The following DSCAM variants were observed in gnomAD, a reference collection of about 807,000 sequenced individuals.
DSCAM encodes the protein DS cell adhesion molecule.
DSCAM carries 47 observed loss-of-function variants against 217.7 expected under a neutral mutation model. That is an observed-to-expected ratio of 0.22 (90% confidence interval 0.17 to 0.28). DSCAM has a LOEUF of 0.28. Ranked by LOEUF, DSCAM falls within the 10% of genes least tolerant of loss-of-function variation. The pLI, the probability that DSCAM is intolerant of heterozygous loss-of-function variation, is 1.00. For missense variants in DSCAM, 2,080 were observed against 2,618.3 expected (o/e 0.79, Z 4.49); for synonymous variants, 1,056 against 1,015.3 (o/e 1.04, Z -0.76).
chr21:40,312,469 A>G (rs2123493071), intron 8 of DSCAM, 110 bp from the exon 9 acceptor site: 1 of 1,227,850 alleles, frequency 8.1e-7, no homozygotes. Context: ...TAGATACAGC[A>G]TAGAAATACA....
chr21:40,683,491 G>A (rs143080868), intron 3 of DSCAM, among the ~76,000 whole-genome samples: 6 of 152,294 alleles, frequency 3.9e-5, no homozygotes, highest in African/African-American at 1.4e-4. Context: ...AAGAAGTATG[G>A]AAGTTAGCAA....
chr21:40,103,258 A>G (rs577571503), intron 20 of DSCAM, among the ~76,000 whole-genome samples: 44 of 151,524 alleles, frequency 2.9e-4, no homozygotes, highest in African/African-American at 1.1e-3. Flanking sequence ...AAGCTCTGAT[A>G]GCTAATTGTT....
intron 3 of DSCAM, among the ~76,000 whole-genome samples, chr21:40,525,908 G>A (rs2076396640): frequency 6.6e-6 from 1 of 152,032 alleles, no homozygotes; most frequent in Non-Finnish European, 1.5e-5. Flanking sequence ...CCATAGATAA[G>A]GTGGGCTCCT....
intron 3 of DSCAM, among the ~76,000 whole-genome samples, chr21:40,509,781 C>A (rs904695871): frequency 6.6e-6 from 1 of 152,190 alleles, no homozygotes. Context: ...TGAAACCAAA[C>A]AAAACTAGAA....
At chr21:40,262,542 G>A (rs1021302456) in intron 11 of DSCAM, among the ~76,000 whole-genome samples, 62 of 152,262 alleles carry the variant, frequency 4.1e-4, no homozygotes, top group African/African-American at 1.5e-3. Flanking sequence ...CCCACTTTCT[G>A]GCAGCGTCAC....
At chr21:40,447,492 G>A (rs2075684418) in intron 3 of DSCAM, among the ~76,000 whole-genome samples, 1 of 152,158 alleles carries the variant, frequency 6.6e-6, no homozygotes, top group Non-Finnish European at 1.5e-5. Context: ...GTGTGTAAGA[G>A]TAACCTATGA....
chr21:40,639,215 C>T (rs563028908), intron 3 of DSCAM, among the ~76,000 whole-genome samples: 14 of 152,188 alleles, frequency 9.2e-5, no homozygotes, highest in Admixed American at 2.0e-4. Context: ...CGCCAAAACA[C>T]GGCACCGCTA....
At chr21:40,219,554 T>C (rs2091272495) in intron 11 of DSCAM, among the ~76,000 whole-genome samples, 1 of 152,246 alleles carries the variant, frequency 6.6e-6, no homozygotes, top group Non-Finnish European at 1.5e-5. Flanking sequence ...ACATAAATAT[T>C]TGTCTATAAC....
chr21:40,295,906 A>C (rs2073948916), intron 10 of DSCAM, 149 bp downstream of exon 10: 1 of 940,418 alleles, frequency 1.1e-6, no homozygotes. Flanking sequence ...GACAACTAGG[A>C]ATGTCTATGA....
intron 32 of DSCAM, among the ~76,000 whole-genome samples, chr21:40,040,819 T>G (rs1568906896): frequency 6.6e-6 from 1 of 152,346 alleles, no homozygotes; most frequent in East Asian, 1.9e-4. Flanking sequence ...CACAGGCTTA[T>G]GGTCTTCTCT....
At chr21:40,109,694 C>A (rs191384523) in intron 20 of DSCAM, among the ~76,000 whole-genome samples, 8 of 152,176 alleles carry the variant, frequency 5.3e-5, no homozygotes, top group African/African-American at 1.4e-4. Flanking sequence ...CAGACGGCAC[C>A]TGGAAAATCG....
chr21:40,249,120 A>C (rs557799563), intron 11 of DSCAM, among the ~76,000 whole-genome samples: 47 of 152,346 alleles, frequency 3.1e-4, no homozygotes, highest in Admixed American at 5.9e-4. Context: ...GGCACAGCCA[A>C]ATCATACCAA....
At chr21:40,246,042 C>A (rs2073219441) in intron 11 of DSCAM, among the ~76,000 whole-genome samples, 1 of 152,024 alleles carries the variant, frequency 6.6e-6, no homozygotes, top group Admixed American at 6.6e-5. Flanking sequence ...ATAAACCCCA[C>A]CTCCTCTGCT....
chr21:40,358,148 C>A (rs1279994734), intron 4 of DSCAM, among the ~76,000 whole-genome samples: 2 of 152,116 alleles, frequency 1.3e-5, no homozygotes, highest in African/African-American at 4.8e-5. Flanking sequence ...ATGAAATGCA[C>A]CAACTTCTAA....
intron 27 of DSCAM, among the ~76,000 whole-genome samples, chr21:40,063,128 A>T (rs1055501444): frequency 3.3e-5 from 5 of 152,218 alleles, no homozygotes; most frequent in African/African-American, 1.2e-4. Flanking sequence ...CTATCCTATG[A>T]TTATAACATT....
intron 28 of DSCAM, among the ~76,000 whole-genome samples, chr21:40,058,209 T>C (rs2089059147): frequency 6.6e-6 from 1 of 152,058 alleles, no homozygotes; most frequent in African/African-American, 2.4e-5. Context: ...ACTTGGCTGT[T>C]CCCGTTGTTT....
In DSCAM at chr21:40,636,565, A is replaced by T. The variant is rs2089761853; in HGVS notation, c.508+56245T>A. On this transcript the variant is annotated intron_variant, in intron 3 of 32. Transcript: ENST00000400454. Reference sequence around the variant, plus strand: ...TTCCATACCAAATTTTACTATAACCATTCCTTTTTCCAGGGTAGTCCCTCT... The same window carrying T: ...TTCCATACCAAATTTTACTATAACCTTTCCTTTTTCCAGGGTAGTCCCTCT... Among the ~76,000 whole-genome samples, 3 of 152,026 alleles carry T rather than the reference A, an allele frequency of 2.0e-5. No homozygotes were observed. The South Asian group carries it at 6.2e-4, about 32-fold the overall frequency.
At chr21:40,506,397 C>T (rs1330539488) in intron 3 of DSCAM, among the ~76,000 whole-genome samples, 1 of 152,244 alleles carries the variant, frequency 6.6e-6, no homozygotes, top group African/African-American at 2.4e-5. Context: ...GCCCCGGACT[C>T]ACTGACTTCA....
chr21:40,357,451 G>A (rs1402762775), intron 4 of DSCAM, among the ~76,000 whole-genome samples: 2 of 152,154 alleles, frequency 1.3e-5, no homozygotes, highest in African/African-American at 4.8e-5. Flanking sequence ...TGAACTAGAA[G>A]ACACAAAGTT....
Sources: allele counts gnomAD v4.1 joint callset (sites outside exome capture counted in the v4.1 genomes callset), GRCh38; gene constraint gnomAD v4.1.1; transcripts MANE v1.5; gene names NCBI Gene and HGNC (gene_info 2026-07-23, HGNC 2026-07-21).